Variants in SLC35F3 observed in about 807,000 individuals in gnomAD.
SLC35F3 encodes putative thiamine transporter SLC35F3.
SLC35F3 carries 25 observed loss-of-function variants against 49.9 expected under a neutral mutation model. That is an observed-to-expected ratio of 0.50 (90% CI 0.37 to 0.70). SLC35F3 has a LOEUF of 0.70. Among genes scored for constraint, SLC35F3 ranks in the 30% least tolerant of loss-of-function variants. The pLI, the probability that SLC35F3 is intolerant of heterozygous loss-of-function variation, is 0.00. For synonymous variants in SLC35F3, 275 were observed against 265.4 expected, an observed-to-expected ratio of 1.04 and a Z score of -0.35; for missense variants, 525 against 639.8, an observed-to-expected ratio of 0.82 and a Z score of 1.94.
chr1:234,047,965 C>T (rs897626441), intron 2 of SLC35F3, among the ~76,000 whole-genome samples: 1 of 152,012 alleles, frequency 6.6e-6, no homozygotes, highest in Non-Finnish European at 1.5e-5. Context: ...TGGACAATAC[C>T]TATACCATTC....
chr1:234,319,621 G>T, intron 6 of SLC35F3, among the ~76,000 whole-genome samples: 1 of 152,156 alleles, frequency 6.6e-6, no homozygotes, highest in East Asian at 1.9e-4. Flanking sequence ...AGGATCACTT[G>T]AGCAGAGGGA....
chr1:233,927,172 T>G (rs560023441), intron 2 of SLC35F3, among the ~76,000 whole-genome samples: 56 of 152,324 alleles, frequency 3.7e-4, no homozygotes, highest in African/African-American at 1.3e-3. Context: ...GAAGACATCA[T>G]GATTTGTTTT....
In SLC35F3 at chr1:234,257,238, G is replaced by T. The variant is rs547929564; in HGVS notation, c.608+25497G>T. On this transcript the variant is annotated intron_variant, in intron 3 of 7. Transcript: ENST00000366618. ...AAATGATTTTTACATAAATATTCAA[G>T]TACTTTGTCAATTTTTCCAGTCTCC... Among the ~76,000 whole-genome samples, 79 of 152,228 alleles carry T rather than the reference G, an allele frequency of 5.2e-4. No individual in the cohort carries two copies. In the South Asian group the frequency reaches 5.6e-3, roughly 11 times the overall value.
At chr1:234,146,607 C>T (rs536335251) in intron 2 of SLC35F3, among the ~76,000 whole-genome samples, 56 of 151,192 alleles carry the variant, frequency 3.7e-4, no homozygotes, top group African/African-American at 1.2e-3. Context: ...CTCCACCTCC[C>T]GGGTTCAAGT....
In SLC35F3 at chr1:234,279,325, C is replaced by T. The variant is rs189169485; in HGVS notation, c.609-29776C>T. On this transcript the variant is annotated intron_variant, in intron 3 of 7. Transcript: ENST00000366618. Reference sequence around the variant, plus strand: ...GGAGGCAGGTTTGCCCTAAGCAGTTCCCAGCTTGACTTTTCCCTTTAGGTT... The same window carrying T: ...GGAGGCAGGTTTGCCCTAAGCAGTTTCCAGCTTGACTTTTCCCTTTAGGTT... 3.2e-4 allele frequency among the ~76,000 whole-genome samples: 48 copies of T among 152,282 alleles called. 1 individual carries two copies. Among genetic ancestry groups the T allele is most frequent in the African/African-American group, 1.1e-3 (47 of 41,560 alleles).
In SLC35F3 at chr1:234,231,757, A is replaced by C. The variant is rs528578072; in HGVS notation, c.608+16A>C. 3.2e-6 allele frequency: 5 copies of C among 1,580,402 alleles called. No individual in the cohort carries two copies. The South Asian group carries it at 3.5e-5, about 11-fold the overall frequency. On this transcript the variant is annotated intron_variant, in intron 3 of 7. Transcript: ENST00000366618. This position sits in a 1 kb window ranked among gnomAD's most constrained non-coding sequence, Gnocchi z 5.4. ...AGCGATACAGGTAGGCGCGTCCTGC[A>C]TGAGGAGGCCTCCTGACCCCGGGCT... is the stretch of plus-strand genomic sequence containing the variant.
rs187208430 is a variant in SLC35F3, at chr1:234,084,509, A to G, written c.284-146908A>G. On this transcript the variant is annotated intron_variant, in intron 2 of 7. Coordinates refer to ENST00000366618, the MANE Select transcript of SLC35F3 (RefSeq NM_173508.4). ...TAAAATGCACAGCATTAAGTCATTT[A>G]TATACATATATATGCATATATTTTA... 1.3e-3 allele frequency among the ~76,000 whole-genome samples: 194 copies of G among 152,356 alleles called. 2 individuals are homozygous for G. The highest frequency in any genetic ancestry group is 5.8e-4 in the East Asian group (3 of 5,194).
intron 2 of SLC35F3, among the ~76,000 whole-genome samples, chr1:233,912,426 G>A (rs571509100): frequency 1.7e-4 from 26 of 152,230 alleles, no homozygotes; most frequent in South Asian, 8.3e-4. Flanking sequence ...GCAGTGAGCC[G>A]AGATCGTGCC....
intron 2 of SLC35F3, among the ~76,000 whole-genome samples, chr1:233,915,964 C>T (rs1308926438): frequency 6.6e-6 from 1 of 152,206 alleles, no homozygotes; most frequent in East Asian, 1.9e-4. Context: ...CAAACCAGAT[C>T]AGTAGGTATG....
intron 2 of SLC35F3, among the ~76,000 whole-genome samples, chr1:234,088,247 G>A (rs1388092040): frequency 3.3e-5 from 5 of 152,068 alleles, no homozygotes; most frequent in African/African-American, 7.2e-5. Context: ...ACAGAGTCTC[G>A]CCCAGGCTGC....
chr1:233,992,143 G>A (rs1031711564), intron 2 of SLC35F3, among the ~76,000 whole-genome samples: 1 of 152,200 alleles, frequency 6.6e-6, no homozygotes, highest in Non-Finnish European at 1.5e-5. Context: ...AAGAATGTGA[G>A]AGGGTGGGAT....
Position 233,951,135 on chromosome 1 carries a change from A to T in SLC35F3, c.283+45377A>T, listed in dbSNP as rs141476381. 3.8e-3 allele frequency among the ~76,000 whole-genome samples: 576 copies of T among 151,786 alleles called. 11 individuals are homozygous for T. Among genetic ancestry groups the T allele is most frequent in the African/African-American group, 0.013 (541 of 41,320 alleles). Reference sequence around the variant, plus strand: ...GGATCAAGTATGCCTGGACATGGTAAATCAGGGTTTTGAAAGAACATAGAG... The same window carrying T: ...GGATCAAGTATGCCTGGACATGGTATATCAGGGTTTTGAAAGAACATAGAG... On this transcript the variant is annotated intron_variant, in intron 2 of 7. Coordinates refer to ENST00000366618, the MANE Select transcript of SLC35F3 (RefSeq NM_173508.4).
At chr1:234,267,731 T>C (rs1192361951) in intron 3 of SLC35F3, among the ~76,000 whole-genome samples, 1 of 146,592 alleles carries the variant, frequency 6.8e-6, no homozygotes, top group African/African-American at 2.6e-5. Flanking sequence ...GGCTCCTCAC[T>C]TCTCAGACGG....
chr1:233,939,613 G>T (rs1460331003), intron 2 of SLC35F3, among the ~76,000 whole-genome samples: 1 of 152,196 alleles, frequency 6.6e-6, no homozygotes, highest in Non-Finnish European at 1.5e-5. Context: ...TTCTTTACAT[G>T]ATTATGAACG....
intron 2 of SLC35F3, among the ~76,000 whole-genome samples, chr1:234,226,427 G>A (rs557753916): frequency 2.0e-5 from 3 of 151,950 alleles, no homozygotes; most frequent in East Asian, 3.9e-4. Context: ...ACTTATTCTC[G>A]GGGAAGCTCA....
intron 2 of SLC35F3, among the ~76,000 whole-genome samples, chr1:234,004,939 A>T (rs2102834428): frequency 6.6e-6 from 1 of 152,310 alleles, no homozygotes; most frequent in Non-Finnish European, 1.5e-5. Flanking sequence ...TTCATTAATC[A>T]TAGAAGCAAT....
At chr1:233,984,671 G>A (rs1018952472) in intron 2 of SLC35F3, among the ~76,000 whole-genome samples, 2 of 152,116 alleles carry the variant, frequency 1.3e-5, no homozygotes, top group African/African-American at 4.8e-5. Context: ...TCTCTGGCTC[G>A]TGAGTGTGAC....
chr1:233,907,877 C>T (rs557432364), intron 2 of SLC35F3, among the ~76,000 whole-genome samples: 3 of 152,178 alleles, frequency 2.0e-5, no homozygotes, highest in Non-Finnish European at 4.4e-5. Flanking sequence ...AGGCGTGCGC[C>T]ACCACATCCT....
At chr1:234,165,309 T>A (rs565441531) in intron 2 of SLC35F3, among the ~76,000 whole-genome samples, 1 of 152,258 alleles carries the variant, frequency 6.6e-6, no homozygotes, top group South Asian at 2.1e-4. Context: ...TCTGTCATCA[T>A]CTGGTTTTAT....
Sources: gnomAD v4.1 joint callset for allele counts (sites outside exome capture counted in the v4.1 genomes callset) on GRCh38, gnomAD v4.1.1 for gene constraint, Gnocchi (gnomAD v3.1) non-coding constraint, MANE v1.5 for transcripts, NCBI Gene and HGNC (gene_info 2026-07-23, HGNC 2026-07-21) for gene names.